Variants in THSD7A observed in about 807,000 individuals in gnomAD.
THSD7A encodes the protein thrombospondin type-1 domain-containing protein 7A.
Under a neutral mutation model 231.3 loss-of-function variants are expected in THSD7A, and 96 were observed. The ratio of observed to expected loss-of-function variants is 0.41; its 90% CI spans 0.35 to 0.49. The LOEUF (loss-of-function observed/expected upper bound fraction) is 0.49, where lower values mean the gene tolerates loss of function less well. THSD7A is among the 20% of genes least tolerant of loss of function. THSD7A has a pLI of 0.05. For missense variants in THSD7A, 2,290 were observed against 2,070.2 expected (o/e 1.11, Z -2.06); for synonymous variants, 940 against 743.3 (o/e 1.26, Z -4.30).
intron 4 of THSD7A, among the ~76,000 whole-genome samples, chr7:11,570,283 T>G (rs1454133690): frequency 5.3e-5 from 8 of 152,144 alleles, no homozygotes; most frequent in African/African-American, 1.9e-4. Context: ...ACTCATATGG[T>G]GGGAGCTAAA....
intron 6 of THSD7A, among the ~76,000 whole-genome samples, chr7:11,496,661 T>C (rs373875659): frequency 6.6e-6 from 1 of 152,206 alleles, no homozygotes; most frequent in South Asian, 2.1e-4. Flanking sequence ...AGCCTGTGGC[T>C]ACGTAAGCTG....
At chr7:11,563,548 G>T (rs573753805) in intron 4 of THSD7A, among the ~76,000 whole-genome samples, 2 of 152,050 alleles carry the variant, frequency 1.3e-5, no homozygotes, top group East Asian at 3.9e-4. Context: ...TTTTAGTAGA[G>T]ACAGGGTTTC....
chr7:11,724,595 T>C (rs149367177), intron 1 of THSD7A, among the ~76,000 whole-genome samples: 110 of 152,002 alleles, frequency 7.2e-4, no homozygotes, highest in African/African-American at 2.5e-3. Context: ...ACCTAAACAA[T>C]GTATTATCGA....
chr7:11,384,865 G>C (rs1283493128), intron 23 of THSD7A: 2 of 151,836 alleles, frequency 1.3e-5, no homozygotes, highest in Non-Finnish European at 2.9e-5. Flanking sequence ...CAATTTCTCA[G>C]ATTACATTAA....
At chr7:11,518,598 AAC>A (rs138134072) in intron 6 of THSD7A, among the ~76,000 whole-genome samples, 33 of 150,146 alleles carry the variant, frequency 2.2e-4, no homozygotes, top group South Asian at 1.1e-3. Flanking sequence ...ATAAAATAGA[AAC>A]ACACACACAC....
rs534218628 is a variant in THSD7A at position 11,436,551 on chromosome 7, TACTG to T, written c.3065-7430_3065-7427del. On this transcript the variant is annotated intron_variant, in intron 13 of 27. Coordinates refer to ENST00000423059, the MANE Select transcript of THSD7A (RefSeq NM_015204.3). ...GACTCAGATACTGCATTCCCATAAT[TACTG>T]ACTGACTTTTTCACATAGCATTTCA... is the stretch of plus-strand genomic sequence containing the variant. 3.9e-4 allele frequency among the ~76,000 whole-genome samples: 59 copies of T among 152,178 alleles called. 1 individual carries two copies. Among genetic ancestry groups the T allele is most frequent in the African/African-American group, 1.4e-3 (59 of 41,562 alleles).
chr7:11,769,134 TATA>T (rs1562541177), intron 1 of THSD7A, among the ~76,000 whole-genome samples: 3 of 45,972 alleles, frequency 6.5e-5, no homozygotes, highest in African/African-American at 2.1e-4. Flanking sequence ...TATATATATA[TATA>T]TATATATATA....
chr7:11,433,711 G>A (rs1316948943), intron 13 of THSD7A, among the ~76,000 whole-genome samples: 1 of 151,876 alleles, frequency 6.6e-6, no homozygotes, highest in Non-Finnish European at 1.5e-5. Flanking sequence ...ATCACCTGGT[G>A]GCCTTACATG....
At chr7:11,691,156 A>C (rs560190845) in intron 1 of THSD7A, among the ~76,000 whole-genome samples, 3 of 151,746 alleles carry the variant, frequency 2.0e-5, no homozygotes, top group Non-Finnish European at 3.0e-5. Context: ...TTTAAAATTT[A>C]TTAACCATTT....
At chr7:11,409,285 G>A (rs1783696530) in intron 19 of THSD7A, among the ~76,000 whole-genome samples, 1 of 152,122 alleles carries the variant, frequency 6.6e-6, no homozygotes, top group Non-Finnish European at 1.5e-5. Flanking sequence ...CTTTCTTTGT[G>A]GCTGTTAGGG....
At chr7:11,780,024 C>G (rs781314748) in intron 1 of THSD7A, among the ~76,000 whole-genome samples, 4 of 152,176 alleles carry the variant, frequency 2.6e-5, no homozygotes, top group Non-Finnish European at 5.9e-5. Context: ...ACTTGTTTTT[C>G]ATAGTCTGGG....
intron 1 of THSD7A, among the ~76,000 whole-genome samples, chr7:11,770,957 A>T (rs2128171567): frequency 6.6e-6 from 1 of 151,812 alleles, no homozygotes; most frequent in South Asian, 2.1e-4. Context: ...CCTAATAAAT[A>T]TATAAAATTT....
intron 1 of THSD7A, among the ~76,000 whole-genome samples, chr7:11,774,132 T>C (rs1158179448): frequency 6.6e-6 from 1 of 152,158 alleles, no homozygotes; most frequent in Admixed American, 6.5e-5. Flanking sequence ...TAAAATAATA[T>C]GCCAAGACTT....
At chr7:11,442,453 T>G (rs997832904) in intron 13 of THSD7A, among the ~76,000 whole-genome samples, 1 of 152,192 alleles carries the variant, frequency 6.6e-6, no homozygotes, top group African/African-American at 2.4e-5. Flanking sequence ...AGGGGATTAT[T>G]GTCATTGCAC....
chr7:11,728,862 G>C (rs564677614), intron 1 of THSD7A, among the ~76,000 whole-genome samples: 2 of 151,748 alleles, frequency 1.3e-5, no homozygotes, highest in East Asian at 3.9e-4. Context: ...TATTAGTAAA[G>C]ACCAATTGCT....
At chr7:11,638,689 T>C (rs1234360839) in intron 1 of THSD7A, among the ~76,000 whole-genome samples, 5 of 152,132 alleles carry the variant, frequency 3.3e-5, no homozygotes, top group Non-Finnish European at 5.9e-5. Flanking sequence ...TTATTAGTGA[T>C]GTAACATTCT....
chr7:11,541,245 T>C (rs1789133158), intron 6 of THSD7A, among the ~76,000 whole-genome samples, 174 bp downstream of exon 6: 1 of 152,096 alleles, frequency 6.6e-6, no homozygotes, highest in Admixed American at 6.6e-5. Flanking sequence ...ACCATTTCAT[T>C]AGAACAAAAG....
intron 1 of THSD7A, among the ~76,000 whole-genome samples, chr7:11,770,175 A>T (rs1562542291): frequency 6.6e-6 from 1 of 152,106 alleles, no homozygotes; most frequent in Non-Finnish European, 1.5e-5. Context: ...TTCAATTCTT[A>T]GTTGAATCAC....
intron 1 of THSD7A, among the ~76,000 whole-genome samples, chr7:11,642,105 AAC>A (rs1276852784): frequency 1.3e-5 from 2 of 152,202 alleles, no homozygotes; most frequent in Non-Finnish European, 2.9e-5. Context: ...ACAATTTGAA[AAC>A]ACAATATGCA....
Sources: allele counts gnomAD v4.1 joint callset (sites outside exome capture counted in the v4.1 genomes callset), GRCh38; gene constraint gnomAD v4.1.1; transcripts MANE v1.5; gene names NCBI Gene and HGNC (gene_info 2026-07-23, HGNC 2026-07-21).